Variants in ABAT observed in about 807,000 individuals in gnomAD.
ABAT encodes the protein 4-aminobutyrate aminotransferase.
Under a neutral mutation model 64.6 loss-of-function variants are expected in ABAT, and 45 were observed. That is an observed-to-expected ratio of 0.70 (90% CI 0.55 to 0.89). The LOEUF (loss-of-function observed/expected upper bound fraction) is 0.89. ABAT is among the 40% of genes least tolerant of loss of function. The probability of loss-of-function intolerance (pLI) is 0.00; values close to 1 mark genes in which losing one functional copy is unlikely to be tolerated. For synonymous variants in ABAT, 297 were observed against 250.5 expected (o/e 1.19, Z -1.75); for missense variants, 633 against 658.4 (o/e 0.96, Z 0.42).
At chr16:8,754,876 G>A (rs1193283555) in intron 5 of ABAT, among the ~76,000 whole-genome samples, 1 of 151,894 alleles carries the variant, frequency 6.6e-6, no homozygotes, top group East Asian at 1.9e-4. Flanking sequence ...CTGCCACCAC[G>A]CTGGGCTAAT....
intron 1 of ABAT, among the ~76,000 whole-genome samples, chr16:8,678,874 A>T (rs2057265154): frequency 6.6e-6 from 1 of 152,160 alleles, no homozygotes; most frequent in Non-Finnish European, 1.5e-5. Context: ...AGCCAGTATG[A>T]TCCTATTTTT....
intron 2 of ABAT, chr16:8,736,195 A>C: frequency 4.6e-6 from 1 of 216,998 alleles, no homozygotes; most frequent in Non-Finnish European, 9.4e-6. Context: ...CATGGGAAAG[A>C]CCCACCCCCA....
At chr16:8,721,101 G>A (rs1396345504) in intron 1 of ABAT, among the ~76,000 whole-genome samples, 3 of 152,206 alleles carry the variant, frequency 2.0e-5, no homozygotes, top group Non-Finnish European at 4.4e-5. Flanking sequence ...TCAGGAAACT[G>A]AGGCACAGAG....
At chr16:8,701,614 T>C (rs1294835178) in intron 1 of ABAT, among the ~76,000 whole-genome samples, 2 of 152,266 alleles carry the variant, frequency 1.3e-5, no homozygotes, top group African/African-American at 2.4e-5. Flanking sequence ...TACTGCATTA[T>C]TCCCCAAACC....
At chr16:8,717,364 T>C (rs1031736864) in intron 1 of ABAT, among the ~76,000 whole-genome samples, 3 of 152,234 alleles carry the variant, frequency 2.0e-5, no homozygotes, top group Non-Finnish European at 4.4e-5. Flanking sequence ...TTAAATAAGA[T>C]ACATGAAAAA....
At chr16:8,721,002 G>T (rs536771183) in intron 1 of ABAT, 14 of 152,312 alleles carry the variant, frequency 9.2e-5, no homozygotes, top group African/African-American at 3.1e-4. Context: ...ATTGTTTGCA[G>T]GCAGGCACTG....
intron 1 of ABAT, among the ~76,000 whole-genome samples, chr16:8,701,953 A>G (rs2057833570): frequency 6.7e-6 from 1 of 150,074 alleles, no homozygotes; most frequent in African/African-American, 2.5e-5. Context: ...GAGGGGAGGG[A>G]CATGGAGGTG....
intron 14 of ABAT, among the ~76,000 whole-genome samples, chr16:8,777,591 A>T (rs2060304699): frequency 6.6e-6 from 1 of 152,082 alleles, no homozygotes; most frequent in Non-Finnish European, 1.5e-5. Context: ...TGTGTGTGTG[A>T]GTGTGGCAGG....
chr16:8,738,324 T>C, intron 2 of ABAT: 1 of 439,262 alleles, frequency 2.3e-6, no homozygotes, highest in South Asian at 1.6e-5. Flanking sequence ...ATAATAATAA[T>C]AGATAAATAA....
At chr16:8,678,358 G>T (rs1596394576) in intron 1 of ABAT, among the ~76,000 whole-genome samples, 1 of 152,152 alleles carries the variant, frequency 6.6e-6, no homozygotes, top group Non-Finnish European at 1.5e-5. Flanking sequence ...GGTTACAAGT[G>T]TGAGTTACAG....
chr16:8,773,130 A>ACACACACACACACG (rs2060164983), intron 12 of ABAT, among the ~76,000 whole-genome samples: 1 of 137,408 alleles, frequency 7.3e-6, no homozygotes, highest in Non-Finnish European at 1.5e-5. Flanking sequence ...ACACACACAC[A>ACACACACACACACG]CACACACACA....
intron 1 of ABAT, chr16:8,713,997 C>A (rs2058141232): frequency 6.9e-6 from 3 of 437,772 alleles, no homozygotes; most frequent in South Asian, 3.2e-5. Flanking sequence ...GTCGGGGGGG[C>A]ACACACCCTT....
intron 2 of ABAT, chr16:8,736,034 C>T (rs183949629): frequency 1.1e-4 from 60 of 532,384 alleles, no homozygotes; most frequent in East Asian, 9.9e-4. Context: ...TTTCATATGG[C>T]TGGGGAGGCC....
At chr16:8,725,126 G>A (rs1041274393) in intron 1 of ABAT, among the ~76,000 whole-genome samples, 1 of 152,082 alleles carries the variant, frequency 6.6e-6, no homozygotes, top group African/African-American at 2.4e-5. Context: ...ATGTTGGTCG[G>A]GCTGGTCTCG....
chr16:8,780,924 T>C (rs1283507610), intron 15 of ABAT, among the ~76,000 whole-genome samples: 1 of 152,162 alleles, frequency 6.6e-6, no homozygotes, highest in Non-Finnish European at 1.5e-5. Flanking sequence ...GCAACTTATT[T>C]GCTTACCTAT....
At chr16:8,772,700 C>A in intron 11 of ABAT, 80 bp from the exon 12 acceptor site, 1 of 1,584,886 alleles carries the variant, frequency 6.3e-7, no homozygotes, top group South Asian at 1.1e-5. Context: ...GCATGGGGCT[C>A]ATCGAACCCC....
intron 5 of ABAT, among the ~76,000 whole-genome samples, chr16:8,756,482 G>A (rs766649127): frequency 3.3e-5 from 5 of 152,062 alleles, no homozygotes; most frequent in Non-Finnish European, 7.3e-5. Context: ...CGTGTGCCAT[G>A]GTGGTTTACT....
chr16:8,717,369 G>C (rs146725335), intron 1 of ABAT, among the ~76,000 whole-genome samples: 163 of 152,200 alleles, frequency 1.1e-3, no homozygotes, highest in African/African-American at 3.6e-3. Context: ...TAAGATACAT[G>C]AAAAAAATTG....
At chr16:8,735,857 A>G (rs1647917460) in intron 2 of ABAT, 48 bp downstream of exon 2, 1 of 1,524,656 alleles carries the variant, frequency 6.6e-7, no homozygotes, top group Non-Finnish European at 8.9e-7. Context: ...GGAAGATACC[A>G]TCCAGACTAG....
Sources: allele counts gnomAD v4.1 joint callset (sites outside exome capture counted in the v4.1 genomes callset), GRCh38; gene constraint gnomAD v4.1.1; transcripts MANE v1.5; gene names NCBI Gene and HGNC (gene_info 2026-07-23, HGNC 2026-07-21).